The following SND1 variants were observed in gnomAD, a reference collection of about 807,000 sequenced individuals.
SND1 encodes the protein staphylococcal nuclease and tudor domain containing 1.
A neutral mutation model predicts 121.7 loss-of-function variants in SND1; 38 were observed. The observed-to-expected ratio is 0.31, with a 90% CI of 0.24 to 0.41. SND1 has a LOEUF of 0.41. Ranked by LOEUF, SND1 falls within the 10% of genes least tolerant of loss-of-function variation. The pLI is 1.00. For missense variants in SND1, 868 were observed against 1,184.6 expected (o/e 0.73, Z 3.92); for synonymous variants, 401 against 447.4 (o/e 0.90, Z 1.31).
intron 9 of SND1, among the ~76,000 whole-genome samples, chr7:127,711,285 C>G (rs1796292823): frequency 1.3e-5 from 2 of 152,346 alleles, no homozygotes; most frequent in South Asian, 4.1e-4. Flanking sequence ...TCTCTAACTT[C>G]ATGGCAAAGA....
intron 15 of SND1, among the ~76,000 whole-genome samples, chr7:127,986,632 G>A (rs1802397729): frequency 6.6e-6 from 1 of 152,184 alleles, no homozygotes; most frequent in African/African-American, 2.4e-5. Context: ...AAATAGCCAT[G>A]GCCAACCATT....
intron 10 of SND1, among the ~76,000 whole-genome samples, chr7:127,766,624 AATT>A (rs776174536): frequency 1.3e-5 from 2 of 151,662 alleles, no homozygotes; most frequent in Non-Finnish European, 2.9e-5. Context: ...AAATACAAAA[AATT>A]AGCCGGGCGT....
chr7:127,850,421 C>T (rs1181506244), intron 12 of SND1, among the ~76,000 whole-genome samples: 1 of 152,204 alleles, frequency 6.6e-6, no homozygotes, highest in Non-Finnish European at 1.5e-5. Context: ...CCACAACATC[C>T]TGAAGTTCCT....
At chr7:127,913,971 C>T (rs930522252) in intron 14 of SND1, among the ~76,000 whole-genome samples, 2 of 152,222 alleles carry the variant, frequency 1.3e-5, no homozygotes, top group Non-Finnish European at 2.9e-5. Flanking sequence ...ACACTCCTTG[C>T]AGTGTTAACA....
chr7:128,027,342 G>T (rs936366226), intron 16 of SND1: 5 of 146,546 alleles, frequency 3.4e-5, no homozygotes, highest in Non-Finnish European at 7.5e-5. Context: ...CTTCCCATCA[G>T]TGTGCTCCAT....
chr7:128,074,225 GCT>G (rs141914844), intron 16 of SND1, among the ~76,000 whole-genome samples: 29 of 149,494 alleles, frequency 1.9e-4, no homozygotes, highest in Admixed American at 2.0e-4. Flanking sequence ...CTTCAGCTGC[GCT>G]CTCTCTCTCT....
chr7:127,685,492 T>C (rs1236530486), intron 1 of SND1, among the ~76,000 whole-genome samples: 1 of 152,244 alleles, frequency 6.6e-6, no homozygotes, highest in African/African-American at 2.4e-5. Context: ...TTTGTTGTAT[T>C]GTGAGTCTCT....
intron 16 of SND1, among the ~76,000 whole-genome samples, chr7:128,068,396 C>T (rs576567522): frequency 1.3e-5 from 2 of 152,272 alleles, no homozygotes; most frequent in African/African-American, 4.8e-5. Context: ...TTCCTTTCTC[C>T]AGACCCCTCA....
intron 12 of SND1, among the ~76,000 whole-genome samples, chr7:127,847,219 C>T (rs76017462): frequency 6.6e-6 from 1 of 152,056 alleles, no homozygotes; most frequent in Non-Finnish European, 1.5e-5. Flanking sequence ...TTGCAGTGAG[C>T]CGAGATCATG....
At chr7:127,862,134 G>A (rs548300936) in intron 12 of SND1, among the ~76,000 whole-genome samples, 2 of 152,304 alleles carry the variant, frequency 1.3e-5, no homozygotes, top group Admixed American at 1.3e-4. Context: ...TTCAAAAGCA[G>A]GAGCTGAAGA....
intron 16 of SND1, among the ~76,000 whole-genome samples, chr7:128,006,093 G>C (rs1802967097): frequency 6.6e-6 from 1 of 152,210 alleles, no homozygotes; most frequent in South Asian, 2.1e-4. Flanking sequence ...GAGGTGCCCA[G>C]GGTCTGGCCT....
intron 10 of SND1, among the ~76,000 whole-genome samples, chr7:127,743,941 A>G (rs564489447): frequency 1.3e-5 from 2 of 152,304 alleles, no homozygotes; most frequent in South Asian, 4.1e-4. Flanking sequence ...ATCGACGGGC[A>G]TGTAAACTAC....
chr7:127,907,381 C>G (rs577896078), intron 14 of SND1, among the ~76,000 whole-genome samples: 1 of 152,134 alleles, frequency 6.6e-6, no homozygotes, highest in African/African-American at 2.4e-5. Flanking sequence ...GATGGGCAGA[C>G]GGCTTACAGC....
chr7:127,667,739 G>T (rs1362442489), intron 1 of SND1, among the ~76,000 whole-genome samples: 1 of 152,200 alleles, frequency 6.6e-6, no homozygotes, highest in African/African-American at 2.4e-5. Context: ...TACAGATCAG[G>T]CGTCGAAAAA....
chr7:128,029,499 G>T lies in SND1; in HGVS notation c.1779+38443G>T, dbSNP rs751888728. ...CCCATTGGGCAGCAACCACTTCACGGAGGACATAGGGGGAGTCCGACACTT... is the reference window on the plus strand; with the variant it reads ...CCCATTGGGCAGCAACCACTTCACGTAGGACATAGGGGGAGTCCGACACTT... On this transcript the variant is annotated intron_variant, in intron 16 of 23. Transcript: ENST00000354725. This position sits in a 1 kb window ranked among gnomAD's most constrained non-coding sequence, Gnocchi z 4.2. The T allele has an allele frequency of 6.2e-7, 1 of 1,614,140 alleles. No homozygotes were observed. The highest frequency in any genetic ancestry group is 8.5e-7 in the Non-Finnish European group (1 of 1,180,036).
intron 11 of SND1, among the ~76,000 whole-genome samples, chr7:127,826,953 C>A (rs1798654333): frequency 6.6e-6 from 1 of 152,214 alleles, no homozygotes; most frequent in Non-Finnish European, 1.5e-5. Flanking sequence ...ATGACTCCAA[C>A]TTGGAAGGCC....
chr7:127,864,391 T>C (rs1179536185), intron 12 of SND1, among the ~76,000 whole-genome samples: 1 of 152,022 alleles, frequency 6.6e-6, no homozygotes, highest in Non-Finnish European at 1.5e-5. Flanking sequence ...TTCTGTTTGG[T>C]GACACCAGCA....
intron 11 of SND1, among the ~76,000 whole-genome samples, chr7:127,834,400 G>A (rs1798827191): frequency 1.3e-5 from 2 of 152,156 alleles, no homozygotes; most frequent in Admixed American, 1.3e-4. Context: ...GTAATTGTAG[G>A]CCAAGGAGTT....
chr7:127,727,861 G>C (rs1796609658), intron 10 of SND1, among the ~76,000 whole-genome samples: 1 of 152,100 alleles, frequency 6.6e-6, no homozygotes, highest in Non-Finnish European at 1.5e-5. Context: ...AGAAGACTGT[G>C]GGTGGGTCTT....
Sources: allele counts gnomAD v4.1 joint callset (sites outside exome capture counted in the v4.1 genomes callset), GRCh38; gene constraint gnomAD v4.1.1; non-coding constraint Gnocchi (gnomAD v3.1); transcripts MANE v1.5; gene names NCBI Gene and HGNC (gene_info 2026-07-23, HGNC 2026-07-21).